The following DENND4A variants were observed in gnomAD, a reference collection of about 807,000 sequenced individuals.
DENND4A encodes C-myc promoter-binding protein.
Under a neutral mutation model 199.3 loss-of-function variants are expected in DENND4A, and 70 were observed. That is an observed-to-expected ratio of 0.35 (90% confidence interval 0.29 to 0.43). The LOEUF (loss-of-function observed/expected upper bound fraction) is 0.43, where lower values mean the gene tolerates loss of function less well. Among genes scored for constraint, DENND4A ranks in the 20% least tolerant of loss-of-function variants. DENND4A has a pLI of 1.00. For synonymous variants in DENND4A, 686 were observed against 766.9 expected, an observed-to-expected ratio of 0.89 and a Z score of 1.74; for missense variants, 1,723 against 2,255.8, an observed-to-expected ratio of 0.76 and a Z score of 4.78.
chr15:65,716,109 C>T (rs1397321410), intron 13 of DENND4A, among the ~76,000 whole-genome samples: 1 of 152,116 alleles, frequency 6.6e-6, no homozygotes, highest in Non-Finnish European at 1.5e-5. Context: ...TTACACTGCA[C>T]TTGGGCCTTC....
At position 65,732,730 on chromosome 15, in the gene DENND4A, A is replaced by G. The variant is rs776587575; in HGVS notation, c.1107+22T>C. The stretch of plus-strand genomic sequence containing the variant: ...CCAATAACAACTCATAGGTCCCCCA[A>G]TCAAAAACAAAAAAACCTTACCTGA... On this transcript the variant is annotated intron_variant, in intron 8 of 32. Coordinates refer to ENST00000443035, the MANE Select transcript of DENND4A (RefSeq NM_001320835.1). 18 of 1,507,730 alleles carry G rather than the reference A, an allele frequency of 1.2e-5. No homozygotes were observed. In the South Asian group the frequency reaches 1.6e-4, roughly 14 times the overall value. The allele number at this position is 1,507,730 out of a possible 1,614,324, so 93.4% of individuals were successfully genotyped here. A position where few individuals can be genotyped will look rare whatever the true frequency, so the allele number is the denominator to read the frequency against.
chr15:65,674,398 T>C (rs992904200), intron 24 of DENND4A, among the ~76,000 whole-genome samples: 5 of 152,208 alleles, frequency 3.3e-5, no homozygotes, highest in Non-Finnish European at 7.3e-5. Context: ...GGGTTCTAGA[T>C]GCTATGAATG....
At chr15:65,748,080 T>G (rs530165152) in intron 4 of DENND4A, among the ~76,000 whole-genome samples, 62 of 132,946 alleles carry the variant, frequency 4.7e-4, no homozygotes, top group Admixed American at 3.1e-3. Flanking sequence ...AAAAAAAGTC[T>G]GCTTCCCTAC....
chr15:65,669,918 G>A lies in DENND4A; in HGVS notation c.4648C>T (p.Leu1550=). Residue 1550 remains leucine, a synonymous_variant, in exon 27 of 33, where the codon CTA becomes TTA. Transcript: ENST00000443035. ...TTTTCTGTTGATGGGCTTGACTTTA[G>A]AAAGTATCTGTAATGTGAATCGAAG... The part of the protein sequence containing the change: ...RDLRRPGRYF[L]KSSPSTENMH... 2 of 1,613,798 alleles carry A rather than the reference G, an allele frequency of 1.2e-6. No individual in the cohort carries two copies. The highest frequency in any genetic ancestry group is 1.7e-6 in the Non-Finnish European group (2 of 1,179,788).
chr15:65,711,684 A>G (rs138398269), intron 14 of DENND4A, among the ~76,000 whole-genome samples: 101 of 152,312 alleles, frequency 6.6e-4, no homozygotes, highest in African/African-American at 2.3e-3. Flanking sequence ...TTACATGGAA[A>G]TACATATTTG....
chr15:65,701,649 T>C, intron 18 of DENND4A, 113 bp downstream of exon 18: 2 of 962,314 alleles, frequency 2.1e-6, no homozygotes, highest in African/African-American at 1.7e-5. Context: ...ACAAAATGTA[T>C]TTTATATACT....
intron 22 of DENND4A, among the ~76,000 whole-genome samples, chr15:65,692,028 C>A: frequency 7.3e-6 from 1 of 137,058 alleles, no homozygotes; most frequent in African/African-American, 2.7e-5. Flanking sequence ...GTCTTGAACT[C>A]TTGGGCTCAA....
intron 21 of DENND4A, chr15:65,696,764 T>G (rs2077158223): frequency 3.8e-6 from 1 of 266,196 alleles, no homozygotes; most frequent in Non-Finnish European, 7.3e-6. Flanking sequence ...GGAGTGCTTT[T>G]GGTGGAGTGG....
At chr15:65,727,543 C>T (rs2075838410) in intron 11 of DENND4A, among the ~76,000 whole-genome samples, 1 of 151,432 alleles carries the variant, frequency 6.6e-6, no homozygotes, top group African/African-American at 2.4e-5. Flanking sequence ...AGGAGGATTG[C>T]TTGATCCCAG....
chr15:65,756,379 A>T lies in DENND4A; in HGVS notation c.72T>A (p.Pro24=), dbSNP rs181393625. ...CATTGAAGTGAATTTCTTCTTCTAG[A>T]GGCTTTGAAACATCAGTTAATCCTG... ...VVAGLTDVSK[P]LEEEIHFNDA... is the part of the protein sequence containing the mutation. The change falls in exon 3 of 33, where the codon CCT becomes CCA. Residue 24 remains proline (P), a synonymous_variant. Coordinates refer to ENST00000443035, the MANE Select transcript of DENND4A (RefSeq NM_001320835.1). The T allele has an allele frequency of 9.7e-4, 1,569 of 1,613,950 alleles. 13 individuals carry two copies. In the African/African-American group the frequency reaches 0.019, roughly 19 times the overall value.
rs199497911 is a variant in DENND4A, at chr15:65,691,467, T to C, written c.3127A>G (p.Asn1043Asp). ...CTACTTTGAATGTTTCGTGTTTCAT[T>C]TGTATCTTCAAGAGATGATATTAAG... ...LLLISSLEDT[N>D]ETRNIQSRCF... The change falls in exon 23 of 33, where the codon AAT becomes GAT. Residue 1043 changes from asparagine to aspartate, a missense_variant. By Grantham distance (23) the Asn-to-Asp change is conservative (BLOSUM62 1). Around this residue, in one of 6 missense-constraint regions of DENND4A, gnomAD observed 650 missense variants for 738.1 expected, o/e 0.88. Transcript: ENST00000443035. The C allele has an allele frequency of 6.2e-7, 1 of 1,612,046 alleles. No individual in the cohort carries two copies. The highest frequency in any genetic ancestry group is 1.3e-5 in the African/African-American group (1 of 75,004).
At chr15:65,720,070 T>C (rs924272246) in intron 12 of DENND4A, among the ~76,000 whole-genome samples, 2 of 152,152 alleles carry the variant, frequency 1.3e-5, no homozygotes, top group African/African-American at 4.8e-5. Context: ...CAACACCTGA[T>C]TTGGAACTGG....
intron 1 of DENND4A, among the ~76,000 whole-genome samples, chr15:65,779,753 A>C (rs2077387326): frequency 6.6e-6 from 1 of 152,160 alleles, no homozygotes; most frequent in Non-Finnish European, 1.5e-5. Flanking sequence ...AGGTTCAAGC[A>C]ATTCTTGTGC....
intron 10 of DENND4A, 59 bp from the exon 11 acceptor site, chr15:65,729,306 C>T: frequency 6.6e-7 from 1 of 1,511,906 alleles, no homozygotes; most frequent in South Asian, 1.2e-5. Context: ...CATAATTTAT[C>T]AGCACACACA....
intron 2 of DENND4A, among the ~76,000 whole-genome samples, chr15:65,758,220 T>C (rs1031995151): frequency 2.6e-5 from 4 of 152,210 alleles, no homozygotes; most frequent in Non-Finnish European, 5.9e-5. Context: ...CAGTAATGCA[T>C]GCTTACAACA....
Position 65,690,502 on chromosome 15 carries a change from T to C in DENND4A, c.4092A>G (p.Arg1364=), listed in dbSNP as rs1433008969. The C allele has an allele frequency of 1.9e-6, 3 of 1,613,178 alleles. No homozygotes were observed. Among genetic ancestry groups the C allele is most frequent in the Middle Eastern group, 1.6e-4 (1 of 6,080 alleles). Residue 1364 remains arginine, a synonymous_variant, in exon 23 of 33, where the codon AGA becomes AGG. Transcript: ENST00000443035. ...TLLVPKLDVL[R]NSMFTAGKGV... ...CTTTTCCAGCAGTGAACATACTGTT[T>C]CTTAGAACATCTAGTTTAGGTACTA...
At chr15:65,761,653 G>C (rs750942948) in intron 1 of DENND4A, among the ~76,000 whole-genome samples, 1 of 151,360 alleles carries the variant, frequency 6.6e-6, no homozygotes, top group Non-Finnish European at 1.5e-5. Flanking sequence ...ATGCTGAAGA[G>C]AGGCAATGAG....
chr15:65,723,751 TAAC>T (rs1567046955), intron 11 of DENND4A, among the ~76,000 whole-genome samples: 1 of 152,166 alleles, frequency 6.6e-6, no homozygotes, highest in Non-Finnish European at 1.5e-5. Flanking sequence ...AATAGAATTA[TAAC>T]AATATACTTT....
intron 9 of DENND4A, among the ~76,000 whole-genome samples, chr15:65,730,765 A>G (rs2075934001): frequency 6.6e-6 from 1 of 152,074 alleles, no homozygotes. Context: ...GCCGAAGGGT[A>G]AAGAGTTTCT....
Sources: allele counts gnomAD v4.1 joint callset (sites outside exome capture counted in the v4.1 genomes callset), GRCh38; gene constraint gnomAD v4.1.1; regional missense constraint gnomAD v4.1.1; transcripts MANE v1.5; gene names NCBI Gene and HGNC (gene_info 2026-07-23, HGNC 2026-07-21).